Variants in SMYD3 observed in about 807,000 individuals in gnomAD.
The protein encoded by SMYD3 is histone-lysine N-methyltransferase SMYD3.
SMYD3 carries 36 observed loss-of-function variants against 57.7 expected under a neutral mutation model. The observed-to-expected ratio is 0.62, with a 90% CI of 0.48 to 0.82. SMYD3 has a LOEUF of 0.82. Among genes scored for constraint, SMYD3 ranks in the 40% least tolerant of loss-of-function variants. SMYD3 has a pLI of 0.00. For missense variants in SMYD3, 515 were observed against 538.8 expected, an observed-to-expected ratio of 0.96 and a Z score of 0.44; for synonymous variants, 211 against 195.0, an observed-to-expected ratio of 1.08 and a Z score of -0.68.
chr1:246,102,162 A>G (rs1251958011), intron 5 of SMYD3, among the ~76,000 whole-genome samples: 1 of 152,184 alleles, frequency 6.6e-6, no homozygotes, highest in Admixed American at 6.5e-5. Flanking sequence ...CTATGTACGT[A>G]GCTCAAGCTT....
chr1:246,247,973 C>T (rs2063736094), intron 5 of SMYD3, among the ~76,000 whole-genome samples: 1 of 152,104 alleles, frequency 6.6e-6, no homozygotes, highest in South Asian at 2.1e-4. Context: ...TTCGCTGTCC[C>T]TCACCATCAA....
chr1:246,301,583 T>TA (rs2064892241), intron 5 of SMYD3, among the ~76,000 whole-genome samples: 1 of 152,174 alleles, frequency 6.6e-6, no homozygotes, highest in Non-Finnish European at 1.5e-5. Flanking sequence ...TTATACTGTC[T>TA]ATTGAGAGTC....
chr1:246,498,530 G>A (rs1436448947), intron 1 of SMYD3, among the ~76,000 whole-genome samples: 1 of 152,032 alleles, frequency 6.6e-6, no homozygotes, highest in Admixed American at 6.5e-5. Flanking sequence ...TCAGGAGATC[G>A]AGACCATCCT....
At chr1:246,280,412 GAA>G (rs1369164698) in intron 5 of SMYD3, among the ~76,000 whole-genome samples, 3 of 152,174 alleles carry the variant, frequency 2.0e-5, no homozygotes, top group Non-Finnish European at 4.4e-5. Context: ...CCATGCGACA[GAA>G]AAGAGAGCTA....
chr1:246,039,254 C>T (rs2059828491), intron 5 of SMYD3, among the ~76,000 whole-genome samples: 1 of 152,230 alleles, frequency 6.6e-6, no homozygotes, highest in South Asian at 2.1e-4. Context: ...CTGTCCTGAC[C>T]AAAACAAAGT....
chr1:245,839,631 C>T (rs10802279), intron 10 of SMYD3, among the ~76,000 whole-genome samples: 61,111 of 151,612 alleles, frequency 0.4, 14,129 homozygotes, highest in East Asian at 0.87. Flanking sequence ...GATGGATACG[C>T]AACTATGTGA....
At chr1:246,459,546 T>C (rs929891333) in intron 1 of SMYD3, among the ~76,000 whole-genome samples, 1 of 152,196 alleles carries the variant, frequency 6.6e-6, no homozygotes, top group Non-Finnish European at 1.5e-5. Context: ...TCCTGCTCTG[T>C]CATGGTAAGA....
At chr1:245,870,427 C>T (rs1002675460) in intron 8 of SMYD3, among the ~76,000 whole-genome samples, 2 of 152,122 alleles carry the variant, frequency 1.3e-5, no homozygotes, top group African/African-American at 4.8e-5. Context: ...GGAGTGGGCT[C>T]GCTTACCTCT....
chr1:246,374,231 G>C lies in SMYD3; in HGVS notation c.165-19137C>G, dbSNP rs557764642. Among the ~76,000 whole-genome samples, 5 of 152,242 alleles carry C rather than the reference G, an allele frequency of 3.3e-5. 1 individual carries two copies. The highest frequency in any genetic ancestry group is 1.2e-4 in the African/African-American group (5 of 41,542). ...GTGGCCCGGTTTTGGCTAATGACCT[G>C]TAAACAGGTACACTCACTTCTCATT... On this transcript the variant is annotated intron_variant, in intron 1 of 11. Coordinates refer to ENST00000490107, the MANE Select transcript of SMYD3 (RefSeq NM_001167740.2).
intron 5 of SMYD3, among the ~76,000 whole-genome samples, chr1:246,091,492 C>CAAA (rs35295300): frequency 8.0e-6 from 1 of 124,400 alleles, no homozygotes; most frequent in African/African-American, 3.4e-5. Flanking sequence ...AACCTCAGCA[C>CAAA]AAAAAAAAAA....
intron 5 of SMYD3, among the ~76,000 whole-genome samples, chr1:246,250,034 C>T (rs898993891): frequency 1.3e-5 from 2 of 152,156 alleles, no homozygotes; most frequent in Non-Finnish European, 2.9e-5. Flanking sequence ...TAAATTCAAA[C>T]GCATTCCTTT....
chr1:246,400,647 A>T (rs1258182722), intron 1 of SMYD3, among the ~76,000 whole-genome samples: 1 of 152,246 alleles, frequency 6.6e-6, no homozygotes, highest in Non-Finnish European at 1.5e-5. Flanking sequence ...CTTTTGATGC[A>T]GTATAGTTTC....
At position 246,000,244 on chromosome 1, in the gene SMYD3, T is replaced by C. The variant is rs144348938; in HGVS notation, c.532-70307A>G. Among the ~76,000 whole-genome samples the C allele has an allele frequency of 2.3e-4, 35 of 152,284 alleles. 1 individual carries two copies. The East Asian group carries it at 6.8e-3, about 29-fold the overall frequency. Reference sequence around the variant, plus strand: ...GCTCCTTGTGCCCCACCCTCTTTCTTACCCTTAAGCTGGCAAGATGATGAC... The same window carrying C: ...GCTCCTTGTGCCCCACCCTCTTTCTCACCCTTAAGCTGGCAAGATGATGAC... On this transcript the variant is annotated intron_variant, in intron 5 of 11. Coordinates refer to ENST00000490107, the MANE Select transcript of SMYD3 (RefSeq NM_001167740.2).
intron 5 of SMYD3, among the ~76,000 whole-genome samples, chr1:246,110,263 T>C (rs1376420300): frequency 3.3e-5 from 5 of 152,160 alleles, no homozygotes; most frequent in Non-Finnish European, 7.3e-5. Flanking sequence ...CATTTAACCA[T>C]TGGGGATTCA....
chr1:245,950,754 A>C (rs2057603474), intron 5 of SMYD3, among the ~76,000 whole-genome samples: 2 of 152,238 alleles, frequency 1.3e-5, no homozygotes. Flanking sequence ...GACTTTGTGC[A>C]CATATGTTCC....
In SMYD3 at chr1:246,136,386, C is replaced by A. The variant is rs182491814; in HGVS notation, c.531+190815G>T. ...AGAAAGGTAGACACCTTAGACACCT[C>A]ATGGAGGAGCCCGGAGACAGTTGTG... On this transcript the variant is annotated intron_variant, in intron 5 of 11. Coordinates refer to ENST00000490107, the MANE Select transcript of SMYD3 (RefSeq NM_001167740.2). 2.0e-5 allele frequency among the ~76,000 whole-genome samples: 3 copies of A among 152,322 alleles called. No individual in the cohort carries two copies. In the East Asian group the frequency reaches 5.8e-4, roughly 29 times the overall value.
intron 5 of SMYD3, among the ~76,000 whole-genome samples, chr1:245,936,565 C>T (rs1435302710): frequency 2.6e-5 from 4 of 152,082 alleles, no homozygotes; most frequent in Non-Finnish European, 5.9e-5. Flanking sequence ...AATATGCAAC[C>T]TAAGGCCCAA....
chr1:246,248,848 G>A (rs1394499274), intron 5 of SMYD3, among the ~76,000 whole-genome samples: 4 of 132,832 alleles, frequency 3.0e-5, no homozygotes, highest in African/African-American at 1.2e-4. Context: ...ACTAGAGATG[G>A]GGTTTCATCG....
At chr1:246,453,361 G>A (rs1461569644) in intron 1 of SMYD3, among the ~76,000 whole-genome samples, 2 of 152,130 alleles carry the variant, frequency 1.3e-5, no homozygotes, top group Non-Finnish European at 2.9e-5. Context: ...GGAGAAAAAA[G>A]TTGAAACATT....
Sources: gnomAD v4.1 joint callset for allele counts (sites outside exome capture counted in the v4.1 genomes callset) on GRCh38, gnomAD v4.1.1 for gene constraint, MANE v1.5 for transcripts, NCBI Gene and HGNC (gene_info 2026-07-23, HGNC 2026-07-21) for gene names.